Variants in GABRG3 observed in about 807,000 individuals in gnomAD.
GABRG3 encodes gamma-aminobutyric acid type A receptor subunit gamma3, also known as gamma-aminobutyric acid receptor subunit gamma-3.
In GABRG3, 25 loss-of-function variants were observed where a neutral mutation model predicts 48.8. The observed-to-expected ratio is 0.51, with a 90% CI of 0.37 to 0.72. The LOEUF (loss-of-function observed/expected upper bound fraction) is 0.72, where lower values mean the gene tolerates loss of function less well. Ranked by LOEUF, GABRG3 falls within the 30% of genes least tolerant of loss-of-function variation. The pLI, the probability that GABRG3 is intolerant of heterozygous loss-of-function variation, is 0.00. For synonymous variants in GABRG3, 227 were observed against 217.6 expected, an observed-to-expected ratio of 1.04 and a Z score of -0.38; for missense variants, 394 against 577.9, an observed-to-expected ratio of 0.68 and a Z score of 3.26.
chr15:27,282,667 A>G (rs1487147596), intron 3 of GABRG3, among the ~76,000 whole-genome samples: 2 of 152,250 alleles, frequency 1.3e-5, no homozygotes, highest in South Asian at 2.1e-4. Context: ...TTTCCTCTAC[A>G]TACATGCTTT....
intron 5 of GABRG3, among the ~76,000 whole-genome samples, chr15:27,479,138 A>G (rs1267328730): frequency 3.3e-5 from 5 of 151,230 alleles, no homozygotes; most frequent in Admixed American, 2.0e-4. Context: ...AAAAAAAAAA[A>G]CCCTGATTTG....
intron 3 of GABRG3, among the ~76,000 whole-genome samples, chr15:27,238,844 G>T (rs543862438): frequency 6.6e-6 from 1 of 152,174 alleles, no homozygotes; most frequent in Admixed American, 6.5e-5. Context: ...AACAGCCAAC[G>T]TTGCTATTGT....
At chr15:26,980,539 C>T (rs773888267) in intron 2 of GABRG3, among the ~76,000 whole-genome samples, 3 of 151,824 alleles carry the variant, frequency 2.0e-5, no homozygotes, top group Non-Finnish European at 4.4e-5. Context: ...ATTAGCCAGG[C>T]GTGGTGGCGG....
intron 3 of GABRG3, among the ~76,000 whole-genome samples, chr15:27,310,919 T>C (rs1372268679): frequency 1.3e-5 from 2 of 152,154 alleles, no homozygotes; most frequent in African/African-American, 4.8e-5. Flanking sequence ...GATGCTCTTA[T>C]GAGAAGAAAA....
At chr15:26,977,505 A>G (rs1236924344) in intron 2 of GABRG3, among the ~76,000 whole-genome samples, 1 of 152,100 alleles carries the variant, frequency 6.6e-6, no homozygotes, top group Non-Finnish European at 1.5e-5. Flanking sequence ...TCAGCCTCAA[A>G]TTTGTTCAAT....
chr15:27,443,879 T>C (rs545699261), intron 5 of GABRG3, among the ~76,000 whole-genome samples: 40 of 152,326 alleles, frequency 2.6e-4, no homozygotes, highest in African/African-American at 9.1e-4. Context: ...TGGGAAATGC[T>C]TTTACCTCAT....
chr15:27,486,441 G>A (rs1890221797), intron 6 of GABRG3, among the ~76,000 whole-genome samples: 2 of 152,204 alleles, frequency 1.3e-5, no homozygotes, highest in Admixed American at 6.5e-5. Context: ...AGAAGCTTCT[G>A]TAAGTAATTC....
chr15:27,297,069 C>A (rs112276819), intron 3 of GABRG3, among the ~76,000 whole-genome samples: 1 of 151,308 alleles, frequency 6.6e-6, no homozygotes, highest in Non-Finnish European at 1.5e-5. Context: ...TTTTAACAAA[C>A]AAGTTTAAAA....
intron 5 of GABRG3, among the ~76,000 whole-genome samples, chr15:27,439,557 C>T (rs1038626301): frequency 6.6e-6 from 1 of 152,126 alleles, no homozygotes; most frequent in African/African-American, 2.4e-5. Context: ...TAGTGATTCC[C>T]ACGGGGGTCC....
intron 3 of GABRG3, among the ~76,000 whole-genome samples, chr15:27,142,141 CATT>C (rs1409933785): frequency 9.2e-5 from 14 of 152,180 alleles, no homozygotes; most frequent in Admixed American, 8.5e-4. Flanking sequence ...TAGTTTAACT[CATT>C]ATATAAAATC....
chr15:27,306,466 A>G (rs960959789), intron 3 of GABRG3, among the ~76,000 whole-genome samples: 2 of 140,592 alleles, frequency 1.4e-5, no homozygotes, highest in Non-Finnish European at 3.0e-5. Flanking sequence ...AAACATAAAC[A>G]TGTCTATATA....
intron 3 of GABRG3, among the ~76,000 whole-genome samples, chr15:27,223,978 C>T (rs1889531817): frequency 6.6e-6 from 1 of 152,230 alleles, no homozygotes; most frequent in Non-Finnish European, 1.5e-5. Flanking sequence ...TCCCTTTAGT[C>T]CCTTTCTCCC....
intron 2 of GABRG3, among the ~76,000 whole-genome samples, chr15:27,003,748 A>C (rs1895508324): frequency 6.6e-6 from 1 of 151,920 alleles, no homozygotes; most frequent in Non-Finnish European, 1.5e-5. Flanking sequence ...TACACCTCCC[A>C]GACGGGGTGG....
intron 3 of GABRG3, among the ~76,000 whole-genome samples, chr15:27,197,659 CTT>C (rs888116184): frequency 1.3e-5 from 2 of 151,986 alleles, no homozygotes; most frequent in Non-Finnish European, 2.9e-5. Context: ...ATAAATATTG[CTT>C]GGCTTAGTTT....
intron 3 of GABRG3, among the ~76,000 whole-genome samples, chr15:27,308,504 T>G (rs1222829611): frequency 1.3e-5 from 2 of 148,174 alleles, no homozygotes; most frequent in African/African-American, 2.4e-5. Context: ...ATGTTTTATA[T>G]AAACATAATG....
At chr15:27,081,467 T>C (rs1212569290) in intron 3 of GABRG3, among the ~76,000 whole-genome samples, 2 of 152,172 alleles carry the variant, frequency 1.3e-5, no homozygotes, top group South Asian at 2.1e-4. Flanking sequence ...TTATTAAATA[T>C]TCACTCATTT....
intron 5 of GABRG3, among the ~76,000 whole-genome samples, chr15:27,394,262 T>C (rs1391656975): frequency 1.3e-5 from 2 of 152,186 alleles, no homozygotes; most frequent in Non-Finnish European, 2.9e-5. Context: ...ATGCTCTTAG[T>C]GTTTTCCCTG....
At chr15:27,163,601 C>T (rs957192326) in intron 3 of GABRG3, among the ~76,000 whole-genome samples, 8 of 152,108 alleles carry the variant, frequency 5.3e-5, no homozygotes, top group Admixed American at 1.3e-4. Context: ...AGTGAGCCTA[C>T]GATTGTGCCA....
intron 3 of GABRG3, among the ~76,000 whole-genome samples, chr15:27,248,767 AACACACACACACACACAC>A (rs150140195): frequency 7.9e-4 from 92 of 117,088 alleles, no homozygotes; most frequent in African/African-American, 3.3e-3. Flanking sequence ...TGAGAAGGAA[AACACACACACACACACAC>A]ACACACACAC....
Sources: gnomAD v4.1 joint callset for allele counts (sites outside exome capture counted in the v4.1 genomes callset) on GRCh38, gnomAD v4.1.1 for gene constraint, MANE v1.5 for transcripts, NCBI Gene and HGNC (gene_info 2026-07-23, HGNC 2026-07-21) for gene names.